Variants in PRKACB observed in about 807,000 individuals in gnomAD.
PRKACB encodes cAMP-dependent protein kinase catalytic subunit beta.
Under a neutral mutation model 51.4 loss-of-function variants are expected in PRKACB, and 16 were observed. The ratio of observed to expected loss-of-function variants is 0.31; its 90% confidence interval spans 0.21 to 0.47. The LOEUF is 0.47. Among genes scored for constraint, PRKACB ranks in the 20% least tolerant of loss-of-function variants. The pLI, the probability that PRKACB is intolerant of heterozygous loss-of-function variation, is 1.00. For missense variants in PRKACB, 309 were observed against 464.5 expected (o/e 0.67, Z 3.08); for synonymous variants, 147 against 154.4 (o/e 0.95, Z 0.35).
At chr1:84,081,881 G>A (rs1647564650) in intron 1 of PRKACB, among the ~76,000 whole-genome samples, 1 of 152,182 alleles carries the variant, frequency 6.6e-6, no homozygotes, top group South Asian at 2.1e-4. Context: ...GTGACCTAGT[G>A]TTCGCATATG....
chr1:84,083,581 C>G (rs141061963), intron 1 of PRKACB, among the ~76,000 whole-genome samples: 1 of 152,166 alleles, frequency 6.6e-6, no homozygotes, highest in African/African-American at 2.4e-5. Flanking sequence ...AAGATCCTGT[C>G]AGATAATTAA....
chr1:84,095,623 C>A (rs192770641), intron 1 of PRKACB, among the ~76,000 whole-genome samples: 2 of 151,570 alleles, frequency 1.3e-5, no homozygotes, highest in African/African-American at 2.4e-5. Context: ...TGATTTTATT[C>A]CCCCTACTTT....
intron 1 of PRKACB, among the ~76,000 whole-genome samples, chr1:84,084,527 A>C (rs1344583533): frequency 1.3e-5 from 2 of 152,188 alleles, no homozygotes; most frequent in African/African-American, 4.8e-5. Context: ...CAAGTGGAAT[A>C]GAGGCAAGAT....
intron 1 of PRKACB, among the ~76,000 whole-genome samples, chr1:84,134,629 C>A (rs1652606310): frequency 6.6e-6 from 1 of 151,708 alleles, no homozygotes; most frequent in Non-Finnish European, 1.5e-5. Context: ...TAAATAGAAT[C>A]ATAAAATGTT....
At chr1:84,143,665 C>G (rs1456814840), upstream of PRKACB, among the ~76,000 whole-genome samples, 1 of 152,006 alleles carries the variant, frequency 6.6e-6, no homozygotes, top group African/African-American at 2.4e-5. Flanking sequence ...AAATGTACCC[C>G]TGGTAATAGA....
chr1:84,171,183 AT>A, intron 1 of PRKACB, among the ~76,000 whole-genome samples: 1 of 151,732 alleles, frequency 6.6e-6, no homozygotes, highest in South Asian at 2.1e-4. Flanking sequence ...GCAAAAGTGG[AT>A]ATAGAGTTAA....
intron 1 of PRKACB, chr1:84,175,036 G>T (rs868800388): frequency 6.8e-7 from 1 of 1,468,010 alleles, no homozygotes; most frequent in African/African-American, 1.5e-5. Flanking sequence ...ACACAAGCTT[G>T]CTCCTCTTCA....
upstream of PRKACB, among the ~76,000 whole-genome samples, chr1:84,142,291 A>G (rs12734711): frequency 0.048 from 7,285 of 152,256 alleles, 235 homozygotes; most frequent in Middle Eastern, 0.11. Context: ...CCTAGGAAGT[A>G]TGTGGCAGAC....
At chr1:84,171,253 A>T (rs1659387206) in intron 1 of PRKACB, among the ~76,000 whole-genome samples, 1 of 151,634 alleles carries the variant, frequency 6.6e-6, no homozygotes, top group Admixed American at 6.6e-5. Flanking sequence ...AAACAAGTTT[A>T]AAAAGCCACA....
intron 1 of PRKACB, among the ~76,000 whole-genome samples, chr1:84,119,578 C>T (rs979820145): frequency 5.9e-5 from 9 of 152,144 alleles, no homozygotes; most frequent in Admixed American, 3.3e-4. Flanking sequence ...TCCATCAGCC[C>T]GTATATCAAT....
intron 5 of PRKACB, 74 bp downstream of exon 5, chr1:84,185,256 AT>A: frequency 9.0e-7 from 1 of 1,114,010 alleles, no homozygotes; most frequent in Non-Finnish European, 1.3e-6. Context: ...GTTGATGCCA[AT>A]GCCAAAAACT....
chr1:84,207,067 C>G (rs540683050), intron 8 of PRKACB, among the ~76,000 whole-genome samples: 1 of 152,274 alleles, frequency 6.6e-6, no homozygotes, highest in South Asian at 2.1e-4. Flanking sequence ...AAATCATTTT[C>G]ATAAAACACA....
At chr1:84,222,821 C>T (rs1398757310) in intron 9 of PRKACB, among the ~76,000 whole-genome samples, 1 of 152,076 alleles carries the variant, frequency 6.6e-6, no homozygotes, top group African/African-American at 2.4e-5. Flanking sequence ...TTCCTTTTAG[C>T]ACTGTGAATA....
At chr1:84,220,044 G>C (rs1255065506) in intron 9 of PRKACB, among the ~76,000 whole-genome samples, 1 of 151,696 alleles carries the variant, frequency 6.6e-6, no homozygotes, top group East Asian at 1.9e-4. Flanking sequence ...TTGCATAGTT[G>C]ATCATTTTAA....
At chr1:84,230,769 TG>T (rs1357368638) in intron 9 of PRKACB, among the ~76,000 whole-genome samples, 4 of 149,448 alleles carry the variant, frequency 2.7e-5, no homozygotes, top group African/African-American at 1.0e-4. Flanking sequence ...CTGTGATTTT[TG>T]TACATTGATT....
At chr1:84,201,021 C>T (rs1370088162) in intron 7 of PRKACB, among the ~76,000 whole-genome samples, 1 of 152,040 alleles carries the variant, frequency 6.6e-6, no homozygotes, top group East Asian at 1.9e-4. Context: ...CATCCTTATA[C>T]ATAAAAGTTT....
chr1:84,214,633 T>TG (rs1672627308), intron 9 of PRKACB, among the ~76,000 whole-genome samples: 2 of 151,786 alleles, frequency 1.3e-5, no homozygotes, highest in Non-Finnish European at 2.9e-5. Flanking sequence ...GCTGGGACTA[T>TG]GGGTGCATGC....
At chr1:84,191,881 T>G (rs1020806882) in intron 5 of PRKACB, among the ~76,000 whole-genome samples, 1 of 152,120 alleles carries the variant, frequency 6.6e-6, no homozygotes, top group African/African-American at 2.4e-5. Flanking sequence ...TTATCAAAGA[T>G]GTACTTAAGT....
intron 1 of PRKACB, among the ~76,000 whole-genome samples, chr1:84,160,890 T>G (rs1157063060): frequency 6.6e-6 from 1 of 151,870 alleles, no homozygotes; most frequent in Non-Finnish European, 1.5e-5. Flanking sequence ...CATTATATTT[T>G]CTAGCATTTG....
Sources: gnomAD v4.1 joint callset for allele counts (sites outside exome capture counted in the v4.1 genomes callset) on GRCh38, gnomAD v4.1.1 for gene constraint, MANE v1.5 for transcripts, NCBI Gene and HGNC (gene_info 2026-07-23, HGNC 2026-07-21) for gene names.